The following PIP5K1B variants were observed in gnomAD, a reference collection of about 807,000 sequenced individuals.
PIP5K1B encodes the protein phosphatidylinositol-4-phosphate 5-kinase type 1 beta, also known as phosphatidylinositol 4-phosphate 5-kinase type-1 beta.
In PIP5K1B, 42 loss-of-function variants were observed where a neutral mutation model predicts 67.0. The observed-to-expected ratio is 0.63, with a 90% CI of 0.49 to 0.81. The LOEUF (loss-of-function observed/expected upper bound fraction) is 0.81. Ranked by LOEUF, PIP5K1B falls within the 30% of genes least tolerant of loss-of-function variation. The probability of loss-of-function intolerance (pLI) is 0.00; values close to 1 mark genes in which losing one functional copy is unlikely to be tolerated. For missense variants in PIP5K1B, 459 were observed against 646.3 expected (o/e 0.71, Z 3.14); for synonymous variants, 214 against 231.4 (o/e 0.92, Z 0.68).
At chr9:68,827,334 A>G (rs549408102) in intron 4 of PIP5K1B, among the ~76,000 whole-genome samples, 109 of 152,366 alleles carry the variant, frequency 7.2e-4, no homozygotes, top group African/African-American at 1.6e-3. Context: ...ACTTCCCGCA[A>G]TGATGGAAAT....
At chr9:68,887,930 C>G (rs1004179374) in intron 6 of PIP5K1B, among the ~76,000 whole-genome samples, 2 of 150,934 alleles carry the variant, frequency 1.3e-5, no homozygotes, top group African/African-American at 4.9e-5. Context: ...GTGCACTGCT[C>G]AAGCTCTCCT....
chr9:68,842,928 G>C (rs1712074365), intron 4 of PIP5K1B, among the ~76,000 whole-genome samples: 1 of 152,232 alleles, frequency 6.6e-6, no homozygotes, highest in Non-Finnish European at 1.5e-5. Context: ...ACCTGGTATA[G>C]TCTGTGAACT....
At chr9:68,726,932 A>G (rs1828176628) in intron 1 of PIP5K1B, among the ~76,000 whole-genome samples, 1 of 151,636 alleles carries the variant, frequency 6.6e-6, no homozygotes, top group Non-Finnish European at 1.5e-5. Flanking sequence ...CCATTCTTAT[A>G]TGATTTTTGG....
intron 1 of PIP5K1B, among the ~76,000 whole-genome samples, chr9:68,719,685 C>T (rs1432986396): frequency 1.3e-5 from 2 of 151,952 alleles, no homozygotes; most frequent in Non-Finnish European, 2.9e-5. Context: ...GAGAGAAACA[C>T]GACTTTTGTT....
intron 14 of PIP5K1B, among the ~76,000 whole-genome samples, chr9:68,942,105 A>G (rs1827589416): frequency 6.6e-6 from 1 of 152,212 alleles, no homozygotes; most frequent in Non-Finnish European, 1.5e-5. Flanking sequence ...TGGATTGGAG[A>G]AATTTAAAAT....
chr9:68,743,439 G>A (rs1037850842), intron 2 of PIP5K1B, among the ~76,000 whole-genome samples: 25 of 152,138 alleles, frequency 1.6e-4, no homozygotes, highest in African/African-American at 5.6e-4. Context: ...CTGGGCTCAA[G>A]TGATCATCCT....
intron 5 of PIP5K1B, among the ~76,000 whole-genome samples, chr9:68,873,613 A>T (rs995947835): frequency 3.3e-5 from 5 of 149,988 alleles, no homozygotes; most frequent in African/African-American, 4.9e-5. Flanking sequence ...TATTTTTCTT[A>T]TTTTTTTTTA....
intron 2 of PIP5K1B, among the ~76,000 whole-genome samples, chr9:68,786,772 A>G (rs2132480129): frequency 6.6e-6 from 1 of 152,306 alleles, no homozygotes; most frequent in South Asian, 2.1e-4. Context: ...AGGGACTGGT[A>G]GCTAACTGTT....
chr9:68,710,772 A>G (rs889049339), intron 1 of PIP5K1B, among the ~76,000 whole-genome samples: 8 of 152,226 alleles, frequency 5.3e-5, no homozygotes, highest in African/African-American at 1.7e-4. Context: ...TCTTGTAGGA[A>G]GTCTTCTGTA....
chr9:68,764,961 C>T (rs1259927084), intron 2 of PIP5K1B, among the ~76,000 whole-genome samples: 3 of 151,922 alleles, frequency 2.0e-5, no homozygotes, highest in African/African-American at 7.3e-5. Flanking sequence ...GTGGAGAAGG[C>T]CCATGTAAAT....
chr9:68,826,007 T>G (rs1177787311), intron 4 of PIP5K1B, among the ~76,000 whole-genome samples: 2 of 152,224 alleles, frequency 1.3e-5, no homozygotes, highest in Non-Finnish European at 2.9e-5. Context: ...GCCTTTTGTC[T>G]TGCAGTTGAC....
chr9:68,710,256 G>C (rs1827320102), intron 1 of PIP5K1B, among the ~76,000 whole-genome samples: 1 of 152,144 alleles, frequency 6.6e-6, no homozygotes, highest in Admixed American at 6.6e-5. Context: ...TGGCCAGTTA[G>C]AACTGTACAT....
chr9:68,866,681 A>G (rs11144059), intron 5 of PIP5K1B, among the ~76,000 whole-genome samples: 17,417 of 152,228 alleles, frequency 0.11, 1,150 homozygotes, highest in Non-Finnish European at 0.15. Context: ...GTACTAGACC[A>G]AAAAATGACA....
intron 14 of PIP5K1B, among the ~76,000 whole-genome samples, chr9:68,989,132 C>A (rs1166054769): frequency 6.4e-5 from 8 of 125,362 alleles, no homozygotes; most frequent in Admixed American, 3.2e-4. Context: ...CCACACAATT[C>A]TTTTAACAAG....
At chr9:68,740,455 C>G (rs138745942) in intron 1 of PIP5K1B, among the ~76,000 whole-genome samples, 4 of 152,326 alleles carry the variant, frequency 2.6e-5, no homozygotes, top group African/African-American at 9.6e-5. Context: ...TAGTTCACAA[C>G]AGTAGAAGAC....
intron 2 of PIP5K1B, chr9:68,788,474 T>TTTTTGTTG (rs143751151): frequency 2.4e-4 from 69 of 291,770 alleles, no homozygotes; most frequent in Admixed American, 3.7e-4. Flanking sequence ...ATCAGGAAGG[T>TTTTTGTTG]TTTTGTTTTG....
rs1322908428 is a variant in PIP5K1B, at chr9:68,860,948, G to A, written c.70-2889G>A. Among the ~76,000 whole-genome samples, 3 of 152,284 alleles carry A rather than the reference G, an allele frequency of 2.0e-5. 1 individual carries two copies. The highest frequency in any genetic ancestry group is 3.9e-4 in the East Asian group (2 of 5,194). ...GTAAGAGTGCCTACCTCATACAGTC[G>A]TGAGGATAAAAGGCTTAATATAACC... is the stretch of plus-strand genomic sequence containing the variant. On this transcript the variant is annotated intron_variant, in intron 4 of 15. Coordinates refer to ENST00000265382, the MANE Select transcript of PIP5K1B (RefSeq NM_003558.4).
chr9:69,005,080 A>G (rs964415688), intron 15 of PIP5K1B, among the ~76,000 whole-genome samples: 9 of 151,976 alleles, frequency 5.9e-5, no homozygotes, highest in Admixed American at 2.0e-4. Flanking sequence ...GTGAGTGTTT[A>G]TAGGAGCTTA....
intron 14 of PIP5K1B, among the ~76,000 whole-genome samples, chr9:68,975,902 C>T (rs138006361): frequency 2.6e-4 from 39 of 152,314 alleles, no homozygotes; most frequent in African/African-American, 8.2e-4. Context: ...AAGTAGGACA[C>T]ACCCTATTCC....
Sources: allele counts gnomAD v4.1 joint callset (sites outside exome capture counted in the v4.1 genomes callset), GRCh38; gene constraint gnomAD v4.1.1; transcripts MANE v1.5; gene names NCBI Gene and HGNC (gene_info 2026-07-23, HGNC 2026-07-21).